INPP4B: variants seen among roughly 807,000 people sequenced by gnomAD.
The protein encoded by INPP4B is inositol polyphosphate 4-phosphatase type II.
Under a neutral mutation model 122.5 loss-of-function variants are expected in INPP4B, and 55 were observed. The observed-to-expected ratio is 0.45, with a 90% CI of 0.36 to 0.56. INPP4B has a LOEUF of 0.56. INPP4B is among the 20% of genes least tolerant of loss of function. The pLI, the probability that INPP4B is intolerant of heterozygous loss-of-function variation, is 0.00. For missense variants in INPP4B, 1,000 were observed against 1,097.7 expected, an observed-to-expected ratio of 0.91 and a Z score of 1.26; for synonymous variants, 403 against 388.7, an observed-to-expected ratio of 1.04 and a Z score of -0.43.
intron 9 of INPP4B, among the ~76,000 whole-genome samples, chr4:142,283,475 A>G (rs2150823696): frequency 6.6e-6 from 1 of 152,308 alleles, no homozygotes. Context: ...ATATGCCATT[A>G]GGCAATTTTG....
At chr4:142,446,271 T>C (rs898709707) in intron 3 of INPP4B, among the ~76,000 whole-genome samples, 2 of 151,764 alleles carry the variant, frequency 1.3e-5, no homozygotes, top group African/African-American at 2.4e-5. Flanking sequence ...TTCAAATATA[T>C]TAAACACAAA....
At chr4:142,240,481 C>A (rs1487040411) in intron 11 of INPP4B, among the ~76,000 whole-genome samples, 1 of 152,144 alleles carries the variant, frequency 6.6e-6, no homozygotes, top group African/African-American at 2.4e-5. Flanking sequence ...CATCCAAGGA[C>A]TCTCTAGGAA....
intron 8 of INPP4B, among the ~76,000 whole-genome samples, chr4:142,308,313 C>G (rs1404654598): frequency 2.6e-5 from 4 of 152,208 alleles, no homozygotes; most frequent in Non-Finnish European, 5.9e-5. Context: ...ATTTCGTAAA[C>G]TTGTCAGACA....
intron 22 of INPP4B, among the ~76,000 whole-genome samples, chr4:142,109,602 A>G (rs1421332072): frequency 1.3e-5 from 2 of 152,112 alleles, no homozygotes; most frequent in East Asian, 1.9e-4. Flanking sequence ...CTTGACTTGA[A>G]TGTCTTACTT....
intron 2 of INPP4B, among the ~76,000 whole-genome samples, chr4:142,470,007 T>G (rs1818525670): frequency 6.6e-6 from 1 of 152,196 alleles, no homozygotes; most frequent in South Asian, 2.1e-4. Flanking sequence ...AAATTCCAGA[T>G]GTATTATGGA....
At chr4:142,585,923 A>G (rs1314429626) in intron 2 of INPP4B, among the ~76,000 whole-genome samples, 3 of 151,536 alleles carry the variant, frequency 2.0e-5, no homozygotes, top group Non-Finnish European at 4.4e-5. Context: ...GGTTTGTTTC[A>G]TAGGTGTACG....
chr4:142,659,026 T>G (rs1016511726), intron 2 of INPP4B, among the ~76,000 whole-genome samples: 9 of 152,152 alleles, frequency 5.9e-5, no homozygotes, highest in Admixed American at 5.9e-4. Context: ...CTTGCTGCAC[T>G]TTATGCAAAT....
chr4:142,405,311 G>A lies in INPP4B; in HGVS notation c.150C>T (p.Leu50=). The change falls in exon 6 of 26, where the codon CTC becomes CTT. Residue 50 remains leucine (L), a synonymous_variant. Transcript: ENST00000262992. ...QLEFILACKD[L]VAPVRDRKLN... ...GTTTACGATCACGGACAGGAGCCAC[G>A]AGATCCTTGCATGCTGGCAACGGCA... 3 of 1,607,308 alleles carry A rather than the reference G, an allele frequency of 1.9e-6. No individual in the cohort carries two copies. The highest frequency in any genetic ancestry group is 1.7e-4 in the Middle Eastern group (1 of 6,052).
At chr4:142,379,987 A>AGTC (rs1793492669) in intron 7 of INPP4B, among the ~76,000 whole-genome samples, 1 of 152,238 alleles carries the variant, frequency 6.6e-6, no homozygotes, top group African/African-American at 2.4e-5. Context: ...AGTACTTGAA[A>AGTC]GTCGTAAGAA....
chr4:142,068,545 TAA>T (rs1227161484), intron 25 of INPP4B, among the ~76,000 whole-genome samples: 1 of 151,990 alleles, frequency 6.6e-6, no homozygotes, highest in Non-Finnish European at 1.5e-5. Context: ...GCAAACTGGA[TAA>T]AGAGTCAAGA....
At chr4:142,537,429 TAGAG>T (rs1157643466) in intron 2 of INPP4B, among the ~76,000 whole-genome samples, 851 of 25,238 alleles carry the variant, frequency 0.034, 10 homozygotes, top group Non-Finnish European at 0.052. Flanking sequence ...TATATATATA[TAGAG>T]AGAGAGAGAG....
At position 142,250,608 on chromosome 4, in the gene INPP4B, A is replaced by T. The variant is rs115929619; in HGVS notation, c.688+9884T>A. Among the ~76,000 whole-genome samples the T allele has an allele frequency of 4.9e-3, 746 of 152,324 alleles. 10 individuals carry two copies. The highest frequency in any genetic ancestry group is 0.017 in the African/African-American group (712 of 41,576). On this transcript the variant is annotated intron_variant, in intron 11 of 25. Coordinates refer to ENST00000262992, the MANE Select transcript of INPP4B (RefSeq NM_001101669.3). ...TCATATACATATTCTATATCTGCACAATGCACCTTTATATTTTGAACAGAA... is the reference window on the plus strand; with the variant it reads ...TCATATACATATTCTATATCTGCACTATGCACCTTTATATTTTGAACAGAA...
At chr4:142,386,603 C>T (rs913645404) in intron 7 of INPP4B, among the ~76,000 whole-genome samples, 2 of 152,166 alleles carry the variant, frequency 1.3e-5, no homozygotes, top group African/African-American at 4.8e-5. Flanking sequence ...GTTCAAACCA[C>T]GTTCAAATAA....
chr4:142,800,700 T>C (rs775774913), intron 1 of INPP4B, among the ~76,000 whole-genome samples: 1 of 152,190 alleles, frequency 6.6e-6, no homozygotes, highest in Non-Finnish European at 1.5e-5. Context: ...GATGTTATAG[T>C]ATAATACTGA....
intron 2 of INPP4B, among the ~76,000 whole-genome samples, chr4:142,482,590 G>A (rs1355753889): frequency 6.6e-6 from 1 of 152,098 alleles, no homozygotes; most frequent in African/African-American, 2.4e-5. Flanking sequence ...ATTTGTATTT[G>A]TGGTGGACTC....
intron 23 of INPP4B, 76 bp from the exon 24 acceptor site, chr4:142,086,332 A>G (rs1262787353): frequency 1.3e-6 from 1 of 797,286 alleles, no homozygotes; most frequent in Non-Finnish European, 2.1e-6. Context: ...GGTTTTTTCA[A>G]TACATTTATT....
intron 11 of INPP4B, among the ~76,000 whole-genome samples, chr4:142,243,922 A>T (rs995234909): frequency 8.2e-6 from 1 of 121,628 alleles, no homozygotes; most frequent in Admixed American, 8.7e-5. Flanking sequence ...ATTATTATTT[A>T]TTATTATACT....
chr4:142,381,257 TG>T (rs1176080093), intron 7 of INPP4B, among the ~76,000 whole-genome samples: 4 of 152,132 alleles, frequency 2.6e-5, no homozygotes, highest in African/African-American at 2.4e-5. Flanking sequence ...CTGCCAGCAA[TG>T]GTTTTTAAAA....
At chr4:142,568,032 T>A (rs539054123) in intron 2 of INPP4B, among the ~76,000 whole-genome samples, 2 of 152,274 alleles carry the variant, frequency 1.3e-5, no homozygotes, top group South Asian at 2.1e-4. Flanking sequence ...AGGATTACAG[T>A]TCCAGAGCTA....
Sources: gnomAD v4.1 joint callset for allele counts (sites outside exome capture counted in the v4.1 genomes callset) on GRCh38, gnomAD v4.1.1 for gene constraint, MANE v1.5 for transcripts, NCBI Gene and HGNC (gene_info 2026-07-23, HGNC 2026-07-21) for gene names.